Variants in ADAM22 observed in about 807,000 individuals in gnomAD.
ADAM22 encodes disintegrin and metalloproteinase domain-containing protein 22.
ADAM22 carries 65 observed loss-of-function variants against 144.6 expected under a neutral mutation model. That is an observed-to-expected ratio of 0.45 (90% CI 0.37 to 0.55). The LOEUF (loss-of-function observed/expected upper bound fraction) is 0.55, where lower values mean the gene tolerates loss of function less well. Among genes scored for constraint, ADAM22 ranks in the 20% least tolerant of loss-of-function variants. ADAM22 has a pLI of 0.00. For synonymous variants in ADAM22, 391 were observed against 412.6 expected (o/e 0.95, Z 0.63); for missense variants, 974 against 1,184.9 (o/e 0.82, Z 2.61).
intron 17 of ADAM22, 71 bp from the exon 18 acceptor site, chr7:88,148,906 T>C: frequency 8.4e-7 from 1 of 1,194,402 alleles, no homozygotes; most frequent in Non-Finnish European, 1.2e-6. Context: ...TTCATTTTGT[T>C]TTTTTTAGAT....
At chr7:88,079,061 G>C (rs1031557078) in intron 4 of ADAM22, among the ~76,000 whole-genome samples, 1 of 152,112 alleles carries the variant, frequency 6.6e-6, no homozygotes, top group Middle Eastern at 3.2e-3. Flanking sequence ...TACCAAAGTT[G>C]AAATGAAGGA....
chr7:88,142,829 C>A (rs1253520317), intron 14 of ADAM22, among the ~76,000 whole-genome samples, 197 bp from the exon 15 acceptor site: 1 of 145,748 alleles, frequency 6.9e-6, no homozygotes, highest in East Asian at 2.0e-4. Flanking sequence ...CAGAGCTAGA[C>A]TCCGTCTCAA....
At chr7:87,943,225 A>G (rs1301821330) in intron 2 of ADAM22, among the ~76,000 whole-genome samples, 1 of 151,052 alleles carries the variant, frequency 6.6e-6, no homozygotes, top group Non-Finnish European at 1.5e-5. Context: ...AGTGATTTAC[A>G]TGCATTATCT....
intron 3 of ADAM22, among the ~76,000 whole-genome samples, chr7:88,059,324 A>G (rs1199786170): frequency 2.0e-5 from 3 of 152,226 alleles, no homozygotes; most frequent in African/African-American, 7.2e-5. Flanking sequence ...AAGGACGATC[A>G]GCTGTTTAAC....
chr7:88,006,926 A>T (rs897742959), intron 3 of ADAM22, among the ~76,000 whole-genome samples: 2 of 150,754 alleles, frequency 1.3e-5, no homozygotes, highest in African/African-American at 4.9e-5. Context: ...AGAAGGAAAT[A>T]AAGGGTATTC....
At chr7:88,054,804 A>G (rs1475052295) in intron 3 of ADAM22, among the ~76,000 whole-genome samples, 2 of 152,212 alleles carry the variant, frequency 1.3e-5, no homozygotes, top group African/African-American at 2.4e-5. Context: ...GTTTTTGGAT[A>G]AGATAACTTA....
At chr7:87,963,857 A>AATTGTTTCT (rs1848504800) in intron 2 of ADAM22, among the ~76,000 whole-genome samples, 1 of 152,138 alleles carries the variant, frequency 6.6e-6, no homozygotes, top group Admixed American at 6.5e-5. Flanking sequence ...TTTGATATGA[A>AATTGTTTCT]ATTGTTTCTA....
chr7:88,088,451 A>G (rs1004777537), intron 4 of ADAM22, among the ~76,000 whole-genome samples: 17 of 150,856 alleles, frequency 1.1e-4, no homozygotes, highest in Non-Finnish European at 1.6e-4. Flanking sequence ...AAAAAGGGAT[A>G]CCTTTTAAAA....
intron 7 of ADAM22, among the ~76,000 whole-genome samples, chr7:88,118,711 G>A (rs1469653759): frequency 2.0e-5 from 3 of 147,980 alleles, no homozygotes; most frequent in Non-Finnish European, 4.5e-5. Context: ...TTTCTTTCCA[G>A]CAGAAACTTT....
chr7:88,049,862 T>TATG (rs78066166), intron 3 of ADAM22, among the ~76,000 whole-genome samples: 74,133 of 151,480 alleles, frequency 0.49, 18,426 homozygotes, highest in East Asian at 0.63. Context: ...ATTGATGAAA[T>TATG]ATATTATTTT....
At chr7:88,190,009 A>C (rs1481384574) in intron 30 of ADAM22, among the ~76,000 whole-genome samples, 1 of 152,176 alleles carries the variant, frequency 6.6e-6, no homozygotes, top group East Asian at 1.9e-4. Flanking sequence ...TCACATATGA[A>C]CACAAGTGAA....
chr7:88,155,310 G>A (rs1393075144), intron 21 of ADAM22, among the ~76,000 whole-genome samples: 2 of 151,892 alleles, frequency 1.3e-5, no homozygotes, highest in Non-Finnish European at 1.5e-5. Context: ...GTTGCTTGGG[G>A]TCAGGAATTC....
chr7:87,980,895 A>G (rs1295802959), intron 3 of ADAM22, among the ~76,000 whole-genome samples: 2 of 152,192 alleles, frequency 1.3e-5, no homozygotes, highest in Non-Finnish European at 1.5e-5. Context: ...AATGAAACAT[A>G]TGGCCTGGTC....
intron 14 of ADAM22, 23 bp from the exon 15 acceptor site, chr7:88,143,003 A>G (rs372718212): frequency 1.4e-5 from 20 of 1,467,642 alleles, no homozygotes; most frequent in African/African-American, 9.8e-5. Flanking sequence ...GAACCCAGCT[A>G]TTGCTTTTCT....
intron 1 of ADAM22, 82 bp downstream of exon 1, chr7:87,934,632 C>T (rs1840732809): frequency 6.5e-6 from 8 of 1,233,892 alleles, no homozygotes; most frequent in Non-Finnish European, 8.9e-6. Flanking sequence ...GAAAAGGGGG[C>T]ATCCCCATTT....
intron 3 of ADAM22, among the ~76,000 whole-genome samples, chr7:88,015,041 T>G (rs1796252128): frequency 6.6e-6 from 1 of 152,158 alleles, no homozygotes; most frequent in East Asian, 1.9e-4. Flanking sequence ...GGGTAGAACT[T>G]TAAGAGTTCA....
chr7:88,129,911 G>A (rs752839977), intron 9 of ADAM22, among the ~76,000 whole-genome samples: 4 of 152,084 alleles, frequency 2.6e-5, no homozygotes, highest in East Asian at 1.9e-4. Flanking sequence ...TGCCCTGTAT[G>A]CCACCTCGTT....
chr7:87,951,958 A>G (rs1159183614), intron 2 of ADAM22, among the ~76,000 whole-genome samples: 1 of 147,702 alleles, frequency 6.8e-6, no homozygotes, highest in African/African-American at 2.5e-5. Flanking sequence ...TTATTGGTAT[A>G]TAAGAATGCT....
chr7:87,937,170 C>G (rs1486648253), intron 2 of ADAM22, among the ~76,000 whole-genome samples: 1 of 152,184 alleles, frequency 6.6e-6, no homozygotes, highest in Non-Finnish European at 1.5e-5. Context: ...GTTGCGCAGG[C>G]TGGCCTTGAA....
Sources: gnomAD v4.1 joint callset for allele counts (sites outside exome capture counted in the v4.1 genomes callset) on GRCh38, gnomAD v4.1.1 for gene constraint, MANE v1.5 for transcripts, NCBI Gene and HGNC (gene_info 2026-07-23, HGNC 2026-07-21) for gene names.